PLBD1: variants seen among roughly 807,000 people sequenced by gnomAD.
PLBD1 encodes the protein lysosomal leucine aminopeptidase.
PLBD1 carries 60 observed loss-of-function variants against 63.0 expected under a neutral mutation model. The ratio of observed to expected loss-of-function variants is 0.95; its 90% CI spans 0.77 to 1.18. The LOEUF (loss-of-function observed/expected upper bound fraction) is 1.18. PLBD1 is among the 50% of genes most tolerant of loss of function. The pLI, the probability that PLBD1 is intolerant of heterozygous loss-of-function variation, is 0.00. For missense variants in PLBD1, 598 were observed against 677.9 expected (o/e 0.88, Z 1.31); for synonymous variants, 262 against 248.0 (o/e 1.06, Z -0.53).
Position 14,567,680 on chromosome 12 carries a change from G to A in PLBD1, c.17C>T (p.Pro6Leu). 6.8e-7 allele frequency: 1 copy of A among 1,467,034 alleles called. No individual in the cohort carries two copies. Among genetic ancestry groups the A allele is most frequent in the Non-Finnish European group, 8.9e-7 (1 of 1,120,028 alleles). The allele number at this position is 1,467,034 out of a possible 1,614,324, so 90.9% of individuals were successfully genotyped here. Residue 6 changes from proline to leucine, a missense_variant, in exon 1 of 11, where the codon CCG becomes CTG. Pro to Leu is a moderately conservative substitution (Grantham distance 98). Coordinates refer to ENST00000240617, the MANE Select transcript of PLBD1 (RefSeq NM_024829.6). ...CTGTGGCAGCCCCGGGCGCCCGCCC[G>A]GACCGCCGCGGGTCATCGCTCCACG... MTRGG[P>L]GGRPGLPQPP...
chr12:14,544,135 G>C (rs181641165), intron 2 of PLBD1, among the ~76,000 whole-genome samples: 1 of 151,944 alleles, frequency 6.6e-6, no homozygotes, highest in African/African-American at 2.4e-5. Flanking sequence ...AGTCTCATCT[G>C]CTGCATTATA....
Position 14,523,098 on chromosome 12 carries a change from A to C in PLBD1, c.845-11387T>G, listed in dbSNP as rs11613293. Reference sequence around the variant, plus strand: ...GCTTCCAAATGACATAATCTTATACAGGGAAAACCCTGAAAACTTCACCAA... The same window carrying C: ...GCTTCCAAATGACATAATCTTATACCGGGAAAACCCTGAAAACTTCACCAA... On this transcript the variant is annotated intron_variant, in intron 6 of 10. Coordinates refer to ENST00000240617, the MANE Select transcript of PLBD1 (RefSeq NM_024829.6). Among the ~76,000 whole-genome samples, 1,206 of 152,262 alleles carry C rather than the reference A, an allele frequency of 7.9e-3. 8 individuals are homozygous for C. The highest frequency in any genetic ancestry group is 0.041 in the Middle Eastern group (12 of 294).
At chr12:14,542,337 G>C (rs1261591048) in intron 2 of PLBD1, 46 bp from the exon 3 acceptor site, 1 of 1,420,742 alleles carries the variant, frequency 7.0e-7, no homozygotes, top group Non-Finnish European at 9.9e-7. Flanking sequence ...TTTCTTCTTG[G>C]ATTTCTCCAT....
At chr12:14,552,499 T>G (rs1945667502) in intron 2 of PLBD1, among the ~76,000 whole-genome samples, 1 of 152,202 alleles carries the variant, frequency 6.6e-6, no homozygotes, top group African/African-American at 2.4e-5. Context: ...CCGTTTATTT[T>G]TAATTACTCT....
At chr12:14,535,306 G>A (rs1362383486) in intron 6 of PLBD1, among the ~76,000 whole-genome samples, 6 of 152,164 alleles carry the variant, frequency 3.9e-5, no homozygotes, top group African/African-American at 1.4e-4. Context: ...CCCTCAAGGT[G>A]GTACCTGAGT....
rs1945802994 is a variant in PLBD1 at position 14,567,610 on chromosome 12, T to TA, written c.86dup (p.Leu29PhefsTer23). 6.7e-7 allele frequency: 1 copy of TA among 1,487,696 alleles called. No homozygotes were observed. Among genetic ancestry groups the TA allele is most frequent in the Non-Finnish European group, 8.9e-7 (1 of 1,128,572 alleles). The allele number at this position is 1,487,696 out of a possible 1,614,324, so 92.2% of individuals were successfully genotyped here. On this transcript the variant is annotated frameshift_variant, in exon 1 of 11. Coordinates refer to ENST00000240617, the MANE Select transcript of PLBD1 (RefSeq NM_024829.6). LOFTEE classifies it high-confidence loss of function. ...CAGGTTTCGGCGGCTCCGCGGTGAC[T>TA]AACAACAGCGGCAGCAGCAGCAGCA...
chr12:14,515,751 A>C (rs1312886057), intron 6 of PLBD1, among the ~76,000 whole-genome samples: 2 of 152,156 alleles, frequency 1.3e-5, no homozygotes, highest in African/African-American at 4.8e-5. Context: ...TTTCAAGTAC[A>C]TGCACTTAAT....
chr12:14,506,084 T>C lies in PLBD1; in HGVS notation c.1479+78A>G. 3 of 964,662 alleles carry C rather than the reference T, an allele frequency of 3.1e-6. 1 individual carries two copies. 59.8% of individuals were successfully genotyped at this position (964,662 alleles called of 1,614,324 possible). A position where few individuals can be genotyped will look rare whatever the true frequency, so the allele number is the denominator to read the frequency against. On this transcript the variant is annotated intron_variant, in intron 10 of 10. Transcript: ENST00000240617. ...TGGTTAGCGACATCGCTTCCTGCCA[T>C]AAAAACCTGTGCAACTTTGCCTTTG...
chr12:14,514,045 C>G (rs1441962864), intron 6 of PLBD1, among the ~76,000 whole-genome samples: 1 of 152,216 alleles, frequency 6.6e-6, no homozygotes, highest in East Asian at 1.9e-4. Context: ...TCCCAAAGTG[C>G]TGGGATTACA....
chr12:14,505,406 C>T (rs567337020), intron 10 of PLBD1, among the ~76,000 whole-genome samples: 15 of 152,236 alleles, frequency 9.9e-5, no homozygotes, highest in African/African-American at 3.1e-4. Context: ...AGCATGATTC[C>T]ACCAACCAAA....
rs534252725 is a variant in PLBD1, at chr12:14,523,081, A to C, written c.845-11370T>G. ...GAAATCAAACTGTCCCTGCTTCCAAATGACATAATCTTATACAGGGAAAAC... is the reference window on the plus strand; with the variant it reads ...GAAATCAAACTGTCCCTGCTTCCAACTGACATAATCTTATACAGGGAAAAC... On this transcript the variant is annotated intron_variant, in intron 6 of 10. Coordinates refer to ENST00000240617, the MANE Select transcript of PLBD1 (RefSeq NM_024829.6). Among the ~76,000 whole-genome samples, 40 of 152,268 alleles carry C rather than the reference A, an allele frequency of 2.6e-4. No homozygotes were observed. In the South Asian group the frequency reaches 7.9e-3, roughly 30 times the overall value.
At chr12:14,536,490 G>T in intron 5 of PLBD1, 80 bp downstream of exon 5, 1 of 1,466,426 alleles carries the variant, frequency 6.8e-7, no homozygotes, top group Non-Finnish European at 9.4e-7. Flanking sequence ...CAGGGGTGAT[G>T]AGATGTTGCT....
chr12:14,559,429 A>G lies in PLBD1; in HGVS notation c.116-6017T>C, dbSNP rs560242124. ...CTACAGAGTGGAATTCCTGGGTTCAAGCAATCCTCCTACCTGAGCCTCCCA... is the reference window on the plus strand; with the variant it reads ...CTACAGAGTGGAATTCCTGGGTTCAGGCAATCCTCCTACCTGAGCCTCCCA... On this transcript the variant is annotated intron_variant, in intron 1 of 10. Transcript: ENST00000240617. 4.6e-5 allele frequency among the ~76,000 whole-genome samples: 7 copies of G among 152,284 alleles called. No individual in the cohort carries two copies. In the South Asian group the frequency reaches 1.4e-3, roughly 32 times the overall value.
At chr12:14,566,325 A>G (rs1194569360) in intron 1 of PLBD1, among the ~76,000 whole-genome samples, 4 of 152,222 alleles carry the variant, frequency 2.6e-5, no homozygotes, top group African/African-American at 9.6e-5. Context: ...GTGATAACTA[A>G]GCAAGTCTCA....
At chr12:14,541,105 T>C (rs1945567777) in intron 3 of PLBD1, among the ~76,000 whole-genome samples, 1 of 152,226 alleles carries the variant, frequency 6.6e-6, no homozygotes, top group South Asian at 2.1e-4. Flanking sequence ...ATGATTCTTC[T>C]TTCACAGCTT....
At chr12:14,511,429 G>A in intron 7 of PLBD1, 29 bp from the exon 8 acceptor site, 1 of 1,613,392 alleles carries the variant, frequency 6.2e-7, no homozygotes, top group South Asian at 1.1e-5. Flanking sequence ...TGAAGACGGG[G>A]CATGGGTATG....
chr12:14,511,797 A>G, intron 6 of PLBD1, 86 bp from the exon 7 acceptor site: 1 of 1,285,620 alleles, frequency 7.8e-7, no homozygotes, highest in East Asian at 2.4e-5. Flanking sequence ...TACATACACA[A>G]TGCATTTTGC....
At chr12:14,559,215 G>T (rs1592010899) in intron 1 of PLBD1, among the ~76,000 whole-genome samples, 1 of 152,190 alleles carries the variant, frequency 6.6e-6, no homozygotes, top group Non-Finnish European at 1.5e-5. Flanking sequence ...TACAAGCTCT[G>T]TGAAAGCGCG....
intron 2 of PLBD1, among the ~76,000 whole-genome samples, chr12:14,547,935 G>A (rs1221295370): frequency 2.0e-5 from 3 of 151,986 alleles, no homozygotes; most frequent in Admixed American, 2.0e-4. Context: ...CACAAGCGTC[G>A]TGACTTTCAG....
Sources: gnomAD v4.1 joint callset for allele counts (sites outside exome capture counted in the v4.1 genomes callset) on GRCh38, gnomAD v4.1.1 for gene constraint, MANE v1.5 for transcripts, NCBI Gene and HGNC (gene_info 2026-07-23, HGNC 2026-07-21) for gene names.